Variants in PRR23C observed in about 807,000 individuals in gnomAD.
PRR23C encodes proline rich 23C, also known as proline-rich protein 23C.
In PRR23C, 1 loss-of-function variant was observed where a neutral mutation model predicts 0.1. That is an observed-to-expected ratio of 6.80 (90% CI 2.41 to 32.24). The LOEUF (loss-of-function observed/expected upper bound fraction) is 32.24. PRR23C is among the 30% of genes most tolerant of loss of function. The pLI is 0.11. For missense variants in PRR23C, 361 were observed against 370.4 expected (o/e 0.97, Z 0.21); for synonymous variants, 172 against 168.1 (o/e 1.02, Z -0.18).
chr3:139,044,604 C>T lies in PRR23C; in HGVS notation c.17G>A (p.Cys6Tyr). 6.6e-7 allele frequency: 1 copy of T among 1,522,952 alleles called. No homozygotes were observed. The highest frequency in any genetic ancestry group is 1.2e-5 in the South Asian group (1 of 82,006). 94.3% of individuals were successfully genotyped at this position (1,522,952 alleles called of 1,614,324 possible). Reference protein sequence around the residue: MGSRPCSPSACLAPWW... With the variant: MGSRPYSPSACLAPWW... ...GGGCGCAAGGCAGGCGCTGGGGCTG[C>T]AGGGCCGGCTGCCCATCACCTCGAC... Residue 6 changes from cysteine (C) to tyrosine (Y), a missense_variant, in exon 1 of 1, where the codon TGC (cysteine) becomes TAC (tyrosine). Cys to Tyr is a radical substitution (Grantham distance 194, BLOSUM62 -2). Coordinates refer to ENST00000413199, the MANE Select transcript of PRR23C (RefSeq NM_001134657.1). The surrounding 1 kb of genome is among the most constrained non-coding windows in gnomAD (Gnocchi z 7.5).
At position 139,044,106 on chromosome 3, in the gene PRR23C, G is replaced by A. The variant is rs181020839; in HGVS notation, c.515C>T (p.Ala172Val). 2 of 1,613,122 alleles carry A rather than the reference G, an allele frequency of 1.2e-6. No individual in the cohort carries two copies. Among genetic ancestry groups the A allele is most frequent in the African/African-American group, 1.3e-5 (1 of 75,046 alleles). The change falls in exon 1 of 1, where the codon GCC becomes GTC. Residue 172 changes from alanine to valine, a missense_variant. By Grantham distance (64) the Ala-to-Val change is moderately conservative. Coordinates refer to ENST00000413199, the MANE Select transcript of PRR23C (RefSeq NM_001134657.1). This position sits in a 1 kb window ranked among gnomAD's most constrained non-coding sequence, Gnocchi z 7.5. ...EFPELWMDSA[A>V]GSAAGLYPSA... ...GGGGTAGAGCCCAGCGGCTGAGCCG[G>A]CTGCGGAGTCCATCCAGAGCTCCGG...
In PRR23C at chr3:139,044,468, G is replaced by C; in HGVS notation, c.153C>G (p.Thr51=). The C allele has an allele frequency of 1.3e-6, 2 of 1,540,708 alleles. No individual in the cohort carries two copies. Among genetic ancestry groups the C allele is most frequent in the Non-Finnish European group, 1.7e-6 (2 of 1,143,542 alleles). The change falls in exon 1 of 1, where the codon ACC becomes ACG. Residue 51 remains threonine, a synonymous_variant. Transcript: ENST00000413199. The surrounding 1 kb of genome is among the most constrained non-coding windows in gnomAD (Gnocchi z 7.5). ...AAPSPEDPAG[T]PAVDALTSMV... is the part of the protein sequence containing the mutation. ...TGGAGGTGAGCGCGTCCACGGCCGG[G>C]GTCCCCGCCGGGTCTTCCGGGCTGG...
In PRR23C at chr3:139,044,364, G is replaced by C; in HGVS notation, c.257C>G (p.Ser86Trp). ...VDLVLELAPM[S>W]VLRVSLGGHT... ...TCCACCAAGAGACACTCGCAGGACC[G>C]ACATTGGCGCGAGCTCCAGCACCAG... The change falls in exon 1 of 1, where the codon TCG becomes TGG. Residue 86 changes from serine (S) to tryptophan (W), a missense_variant. Ser to Trp is a radical substitution (Grantham distance 177, BLOSUM62 -3). Transcript: ENST00000413199. The surrounding 1 kb of genome is among the most constrained non-coding windows in gnomAD (Gnocchi z 7.5). 1.3e-6 allele frequency: 2 copies of C among 1,597,906 alleles called. No individual in the cohort carries two copies. The highest frequency in any genetic ancestry group is 8.5e-7 in the Non-Finnish European group (1 of 1,172,652).
Position 139,044,683 on chromosome 3 carries a change from C to A in PRR23C, c.-63G>T. The A allele has an allele frequency of 7.1e-7, 1 of 1,413,764 alleles. No homozygotes were observed. The highest frequency in any genetic ancestry group is 9.2e-7 in the Non-Finnish European group (1 of 1,086,402). 87.6% of individuals were successfully genotyped at this position (1,413,764 alleles called of 1,614,324 possible). On this transcript the variant is annotated 5_prime_UTR_variant, in exon 1 of 1. Coordinates refer to ENST00000413199, the MANE Select transcript of PRR23C (RefSeq NM_001134657.1). The surrounding 1 kb of genome is among the most constrained non-coding windows in gnomAD (Gnocchi z 7.5). ...GCAGGGGACGTGGGTGCGGGGGGCT[C>A]GGGGCGGCGAAGTCCTCTTTGAGGT...
rs1937163918 is a variant in PRR23C at position 139,043,633 on chromosome 3, T to TGAG, written c.*196_*198dup. On this transcript the variant is annotated 3_prime_UTR_variant, in exon 1 of 1. Coordinates refer to ENST00000413199, the MANE Select transcript of PRR23C (RefSeq NM_001134657.1). The stretch of plus-strand genomic sequence containing the variant: ...TATTTCAACTAGCGTATTTTTATGC[T>TGAG]GAGGAGGAGGATCTTTTTTTTCCAG... 5.6e-6 allele frequency: 3 copies of TGAG among 532,184 alleles called. No individual in the cohort carries two copies. Among genetic ancestry groups the TGAG allele is most frequent in the Non-Finnish European group, 9.7e-6 (3 of 308,726 alleles). The allele number at this position is 532,184 out of a possible 1,614,324, so 33.0% of individuals were successfully genotyped here. A position where few individuals can be genotyped will look rare whatever the true frequency, so the allele number is the denominator to read the frequency against.
Position 139,044,655 on chromosome 3 carries a change from C to A in PRR23C, c.-35G>T, listed in dbSNP as rs751942876. The A allele has an allele frequency of 1.4e-6, 2 of 1,459,952 alleles. No homozygotes were observed. The highest frequency in any genetic ancestry group is 1.8e-6 in the Non-Finnish European group (2 of 1,115,880). 90.4% of individuals were successfully genotyped at this position (1,459,952 alleles called of 1,614,324 possible). ...GGCGCTGCGGACGGCGCTCCTGGGC[C>A]TGGCAGGGGACGTGGGTGCGGGGGG... On this transcript the variant is annotated 5_prime_UTR_variant, in exon 1 of 1. The change creates a new upstream start codon in the 5' untranslated region. Coordinates refer to ENST00000413199, the MANE Select transcript of PRR23C (RefSeq NM_001134657.1). The surrounding 1 kb of genome is among the most constrained non-coding windows in gnomAD (Gnocchi z 7.5).
chr3:139,044,075 A>G lies in PRR23C; in HGVS notation c.546T>C (p.Ala182=). 6.2e-7 allele frequency: 1 copy of G among 1,613,520 alleles called. No homozygotes were observed. Among genetic ancestry groups the G allele is most frequent in the Non-Finnish European group, 8.5e-7 (1 of 1,179,708 alleles). ...CCCGGTAGGGGCTGAACATACTTCT[A>G]GCGGAGGGGTAGAGCCCAGCGGCTG... ...AGSAAGLYPS[A]RSMFSPYREG... is the part of the protein sequence containing the mutation. Residue 182 remains alanine, a synonymous_variant, in exon 1 of 1, where the codon GCT becomes GCC. Coordinates refer to ENST00000413199, the MANE Select transcript of PRR23C (RefSeq NM_001134657.1). The surrounding 1 kb of genome is among the most constrained non-coding windows in gnomAD (Gnocchi z 7.5).
Position 139,043,632 on chromosome 3 carries a change from C to CTGAGGAG in PRR23C, c.*193_*199dup, listed in dbSNP as rs1218844038. On this transcript the variant is annotated 3_prime_UTR_variant, in exon 1 of 1. Coordinates refer to ENST00000413199, the MANE Select transcript of PRR23C (RefSeq NM_001134657.1). ...GTATTTCAACTAGCGTATTTTTATG[C>CTGAGGAG]TGAGGAGGAGGATCTTTTTTTTCCA... 6.4e-5 allele frequency: 34 copies of CTGAGGAG among 528,534 alleles called. No individual in the cohort carries two copies. Among genetic ancestry groups the CTGAGGAG allele is most frequent in the African/African-American group, 5.9e-4 (31 of 52,756 alleles). 32.7% of individuals were successfully genotyped at this position (528,534 alleles called of 1,614,324 possible). A position where few individuals can be genotyped will look rare whatever the true frequency, so the allele number is the denominator to read the frequency against.
chr3:139,044,740 G>T lies in PRR23C; in HGVS notation c.-120C>A. On this transcript the variant is annotated 5_prime_UTR_variant, in exon 1 of 1. Coordinates refer to ENST00000413199, the MANE Select transcript of PRR23C (RefSeq NM_001134657.1). The surrounding 1 kb of genome is among the most constrained non-coding windows in gnomAD (Gnocchi z 7.5). Reference sequence around the variant, plus strand: ...TGTCGGCAGGACCGCGCGACGCGGGGCGAGTCCTCGGAGCTCTGGGGGCGC... The same window carrying T: ...TGTCGGCAGGACCGCGCGACGCGGGTCGAGTCCTCGGAGCTCTGGGGGCGC... 8.5e-7 allele frequency: 1 copy of T among 1,181,458 alleles called. No individual in the cohort carries two copies. Among genetic ancestry groups the T allele is most frequent in the East Asian group, 3.1e-5 (1 of 32,516 alleles). 73.2% of individuals were successfully genotyped at this position (1,181,458 alleles called of 1,614,324 possible). A position where few individuals can be genotyped will look rare whatever the true frequency, so the allele number is the denominator to read the frequency against.
Position 139,043,320 on chromosome 3 carries a change from A to G in PRR23C, c.*512T>C, listed in dbSNP as rs75425531. The G allele has an allele frequency of 4.5e-3, 696 of 154,392 alleles. 4 individuals are homozygous for G. The highest frequency in any genetic ancestry group is 0.015 in the African/African-American group (619 of 41,578). The allele number at this position is 154,392 out of a possible 1,614,324, so 9.6% of individuals were successfully genotyped here. The stretch of plus-strand genomic sequence containing the variant: ...ATTTGTCCAGGTACAACTATGTGCA[A>G]GATCACCCAAAAGGGCTCAGGCCAC... On this transcript the variant is annotated 3_prime_UTR_variant, in exon 1 of 1. Coordinates refer to ENST00000413199, the MANE Select transcript of PRR23C (RefSeq NM_001134657.1).
Position 139,043,343 on chromosome 3 carries a change from C to T in PRR23C, c.*489G>A, listed in dbSNP as rs1408092514. ...CAAGATCACCCAAAAGGGCTCAGGC[C>T]ACCATAGGGAAAAATTCCATGTTGA... is the stretch of plus-strand genomic sequence containing the variant. On this transcript the variant is annotated 3_prime_UTR_variant, in exon 1 of 1. Coordinates refer to ENST00000413199, the MANE Select transcript of PRR23C (RefSeq NM_001134657.1). 2 of 155,388 alleles carry T rather than the reference C, an allele frequency of 1.3e-5. No individual in the cohort carries two copies. Among genetic ancestry groups the T allele is most frequent in the Non-Finnish European group, 2.8e-5 (2 of 70,268 alleles). 9.6% of individuals were successfully genotyped at this position (155,388 alleles called of 1,614,324 possible).
In PRR23C at chr3:139,044,516, C is replaced by G; in HGVS notation, c.105G>C (p.Ala35=). The stretch of plus-strand genomic sequence containing the variant: ...TGGGCGCCGCTCGGGATTCGGGGCC[C>G]GCGGGCTCCTCCAATCGGCTGCGCT... ...PAKRSRLEEP[A]GPESRAAPSP... The change falls in exon 1 of 1, where the codon GCG becomes GCC. Residue 35 remains alanine (A), a synonymous_variant. Transcript: ENST00000413199. The surrounding 1 kb of genome is among the most constrained non-coding windows in gnomAD (Gnocchi z 7.5). 1 of 1,544,794 alleles carries G rather than the reference C, an allele frequency of 6.5e-7. No homozygotes were observed. Among genetic ancestry groups the G allele is most frequent in the Non-Finnish European group, 8.7e-7 (1 of 1,145,536 alleles).
rs1210521324 is a variant in PRR23C at position 139,042,150 on chromosome 3, A to G, written c.*1682T>C. The G allele has an allele frequency of 1.3e-5, 2 of 152,188 alleles. No homozygotes were observed. The highest frequency in any genetic ancestry group is 2.4e-5 in the African/African-American group (1 of 41,448). 9.4% of individuals were successfully genotyped at this position (152,188 alleles called of 1,614,324 possible). A position where few individuals can be genotyped will look rare whatever the true frequency, so the allele number is the denominator to read the frequency against. On this transcript the variant is annotated 3_prime_UTR_variant, in exon 1 of 1. Coordinates refer to ENST00000413199, the MANE Select transcript of PRR23C (RefSeq NM_001134657.1). The stretch of plus-strand genomic sequence containing the variant: ...TAATTTTTAACATTTAAAACCTTAA[A>G]TGCACCCTACAGTTACTGCCTTTCT...
Position 139,043,741 on chromosome 3 carries a change from A to G in PRR23C, c.*91T>C. 8.4e-7 allele frequency: 1 copy of G among 1,192,718 alleles called. No homozygotes were observed. The highest frequency in any genetic ancestry group is 1.6e-5 in the South Asian group (1 of 60,702). The allele number at this position is 1,192,718 out of a possible 1,614,324, so 73.9% of individuals were successfully genotyped here. On this transcript the variant is annotated 3_prime_UTR_variant, in exon 1 of 1. Transcript: ENST00000413199. ...ATCTATCCGTTATCCACTCTCCGAGATCCTTGTAGGTTGCGCAACATACAC... is the reference window on the plus strand; with the variant it reads ...ATCTATCCGTTATCCACTCTCCGAGGTCCTTGTAGGTTGCGCAACATACAC...
In PRR23C at chr3:139,043,892, C is replaced by T. The variant is rs370776270; in HGVS notation, c.729G>A (p.Ala243=). ...GAGGGCGCTCTGGGAGCTCCGGGCGCGCGTGGGGACCTGGACTCGGAGAGG... is the reference window on the plus strand; with the variant it reads ...GAGGGCGCTCTGGGAGCTCCGGGCGTGCGTGGGGACCTGGACTCGGAGAGG... ...LPPSPSPGPH[A]RPELPERPPC... is the part of the protein sequence containing the mutation. Residue 243 remains alanine (A), a synonymous_variant, in exon 1 of 1, where the codon GCG becomes GCA. Transcript: ENST00000413199. The T allele has an allele frequency of 3.8e-6, 6 of 1,579,024 alleles. No homozygotes were observed. The highest frequency in any genetic ancestry group is 1.9e-5 in the Admixed American group (1 of 53,768).
In PRR23C at chr3:139,043,982, G is replaced by A; in HGVS notation, c.639C>T (p.Pro213=). ...GAAGATGGAATTCCAGGTCGAAGAT[G>A]GGGCGTGGAGAGCGTCTCTCTGAAC... ...NPSSERRSPR[P]IFDLEFHLLE... is the part of the protein sequence containing the mutation. The change falls in exon 1 of 1, where the codon CCC becomes CCT. Residue 213 remains proline (P), a synonymous_variant. Coordinates refer to ENST00000413199, the MANE Select transcript of PRR23C (RefSeq NM_001134657.1). 6.2e-7 allele frequency: 1 copy of A among 1,611,698 alleles called. No homozygotes were observed. Among genetic ancestry groups the A allele is most frequent in the Middle Eastern group, 1.6e-4 (1 of 6,062 alleles).
chr3:139,044,353 C>T lies in PRR23C; in HGVS notation c.268G>A (p.Val90Met). ...ATGAGGGTGTGTCCACCAAGAGACA[C>T]TCGCAGGACCGACATTGGCGCGAGC... is the stretch of plus-strand genomic sequence containing the variant. ...LELAPMSVLR[V>M]SLGGHTLIVI... Residue 90 changes from valine (V) to methionine (M), a missense_variant, in exon 1 of 1, where the codon GTG (valine) becomes ATG (methionine). Coordinates refer to ENST00000413199, the MANE Select transcript of PRR23C (RefSeq NM_001134657.1). The surrounding 1 kb of genome is among the most constrained non-coding windows in gnomAD (Gnocchi z 7.5). 6.2e-7 allele frequency: 1 copy of T among 1,604,888 alleles called. No homozygotes were observed. Among genetic ancestry groups the T allele is most frequent in the Non-Finnish European group, 8.5e-7 (1 of 1,176,020 alleles).
At position 139,044,774 on chromosome 3, in the gene PRR23C, G is replaced by C; in HGVS notation, c.-154C>G. ...CGGAGCTCTGGGGGCGCCTCCCGGA[G>C]ATCGGAGTCGGTGCTGCTGCTGGGG... On this transcript the variant is annotated 5_prime_UTR_variant, in exon 1 of 1. It adds an upstream start codon to the 5' untranslated region. Transcript: ENST00000413199. This position sits in a 1 kb window ranked among gnomAD's most constrained non-coding sequence, Gnocchi z 7.5. 4 of 756,648 alleles carry C rather than the reference G, an allele frequency of 5.3e-6. No homozygotes were observed. Among genetic ancestry groups the C allele is most frequent in the Non-Finnish European group, 7.2e-6 (4 of 553,748 alleles). 46.9% of individuals were successfully genotyped at this position (756,648 alleles called of 1,614,324 possible). A position where few individuals can be genotyped will look rare whatever the true frequency, so the allele number is the denominator to read the frequency against.
In PRR23C at chr3:139,042,215, A is replaced by G. The variant is rs1937149482; in HGVS notation, c.*1617T>C. On this transcript the variant is annotated 3_prime_UTR_variant, in exon 1 of 1. Coordinates refer to ENST00000413199, the MANE Select transcript of PRR23C (RefSeq NM_001134657.1). ...CTTCTCAAGTCCTCATAAAGCATCC[A>G]ATTGTTTTAAATCCCTGAAGCCCAA... 1 of 152,098 alleles carries G rather than the reference A, an allele frequency of 6.6e-6. No homozygotes were observed. Among genetic ancestry groups the G allele is most frequent in the Non-Finnish European group, 1.5e-5 (1 of 68,028 alleles). 9.4% of individuals were successfully genotyped at this position (152,098 alleles called of 1,614,324 possible). A position where few individuals can be genotyped will look rare whatever the true frequency, so the allele number is the denominator to read the frequency against.
Sources: allele counts gnomAD v4.1 joint callset, GRCh38; gene constraint gnomAD v4.1.1; non-coding constraint Gnocchi (gnomAD v3.1); transcripts MANE v1.5; gene names NCBI Gene and HGNC (gene_info 2026-07-23, HGNC 2026-07-21).